Variants in COQ10B observed in about 807,000 individuals in gnomAD.
The protein encoded by COQ10B is coenzyme Q10B.
COQ10B carries 12 observed loss-of-function variants against 27.6 expected under a neutral mutation model. That is an observed-to-expected ratio of 0.43 (90% confidence interval 0.28 to 0.70). The LOEUF (loss-of-function observed/expected upper bound fraction) is 0.70, where lower values mean the gene tolerates loss of function less well. COQ10B is among the 30% of genes least tolerant of loss of function. The pLI, the probability that COQ10B is intolerant of heterozygous loss-of-function variation, is 0.17. For synonymous variants in COQ10B, 115 were observed against 103.0 expected (o/e 1.12, Z -0.71); for missense variants, 278 against 288.7 (o/e 0.96, Z 0.27).
intron 1 of COQ10B, among the ~76,000 whole-genome samples, chr2:197,454,468 A>C (rs769581070): frequency 1.3e-5 from 2 of 152,128 alleles, no homozygotes; most frequent in East Asian, 1.9e-4. Context: ...ATCCGACCCT[A>C]CTGGAAACAA....
rs990848208 is a variant in COQ10B, at chr2:197,453,590, G to A, written c.30G>A (p.Leu10=). ...CAGCTCGGACTGGTCATACGGCCTT[G>A]AGAAGGGTAGTCTCGGGATGCCGTC... is the stretch of plus-strand genomic sequence containing the variant. MAARTGHTA[L]RRVVSGCRPK... is the part of the protein sequence containing the mutation. Residue 10 remains leucine (L), a synonymous_variant, in exon 1 of 5, where the codon TTG becomes TTA. Transcript: ENST00000263960. 3 of 1,613,994 alleles carry A rather than the reference G, an allele frequency of 1.9e-6. No individual in the cohort carries two copies. The highest frequency in any genetic ancestry group is 1.7e-5 in the Admixed American group (1 of 60,004).
rs1333623041 is a variant in COQ10B at position 197,473,797 on chromosome 2, C to T, written c.590C>T (p.Ala197Val). ...CGATCACTTCTACATTCCCAGCTTGCCACACTCTTTTTTGATGAAGTTGTG... is the reference window on the plus strand; with the variant it reads ...CGATCACTTCTACATTCCCAGCTTGTCACACTCTTTTTTGATGAAGTTGTG... ...EFRSLLHSQL[A>V]TLFFDEVVKQ... Residue 197 changes from alanine (A) to valine (V), a missense_variant, in exon 5 of 5, where the codon GCC becomes GTC. By Grantham distance (64) the Ala-to-Val change is moderately conservative. This residue lies in a region of COQ10B where 83 missense variants were observed against 104.5 expected (regional missense o/e 0.79). Coordinates refer to ENST00000263960, the MANE Select transcript of COQ10B (RefSeq NM_025147.5). 3 of 1,592,626 alleles carry T rather than the reference C, an allele frequency of 1.9e-6. No homozygotes were observed. Among genetic ancestry groups the T allele is most frequent in the Non-Finnish European group, 2.6e-6 (3 of 1,167,434 alleles).
intron 1 of COQ10B, among the ~76,000 whole-genome samples, chr2:197,457,130 G>T (rs2085708602): frequency 6.6e-6 from 1 of 152,172 alleles, no homozygotes. Flanking sequence ...GCTCCTATGA[G>T]AATCTGATGC....
At chr2:197,456,298 C>G (rs1422469945) in intron 1 of COQ10B, among the ~76,000 whole-genome samples, 1 of 149,036 alleles carries the variant, frequency 6.7e-6, no homozygotes, top group Non-Finnish European at 1.5e-5. Context: ...ACCCCCATCT[C>G]TACTAAAAAT....
chr2:197,456,793 A>T (rs2914856), intron 1 of COQ10B, among the ~76,000 whole-genome samples: 255 of 151,612 alleles, frequency 1.7e-3, no homozygotes, highest in African/African-American at 5.4e-3. Flanking sequence ...AAAATAAATT[A>T]AAAAAAAATT....
intron 1 of COQ10B, among the ~76,000 whole-genome samples, chr2:197,457,570 T>C (rs1322360853): frequency 6.6e-6 from 1 of 152,228 alleles, no homozygotes; most frequent in African/African-American, 2.4e-5. Flanking sequence ...TCTTAAAATC[T>C]TAAAAGGTCC....
In COQ10B at chr2:197,468,093, G is replaced by A. The variant is rs1006112144; in HGVS notation, c.448-1977G>A. ...AAAACATAACAGTAAAAATCCGTGCGTCCTTGGGCTAGATAATTGGAGTGA... is the reference window on the plus strand; with the variant it reads ...AAAACATAACAGTAAAAATCCGTGCATCCTTGGGCTAGATAATTGGAGTGA... On this transcript the variant is annotated intron_variant, in intron 3 of 4. Coordinates refer to ENST00000263960, the MANE Select transcript of COQ10B (RefSeq NM_025147.5). Among the ~76,000 whole-genome samples the A allele has an allele frequency of 5.9e-5, 9 of 152,066 alleles. No homozygotes were observed. In the East Asian group the frequency reaches 1.3e-3, roughly 23 times the overall value.
At chr2:197,456,237 G>A (rs1160183521) in intron 1 of COQ10B, among the ~76,000 whole-genome samples, 2 of 152,116 alleles carry the variant, frequency 1.3e-5, no homozygotes, top group African/African-American at 4.8e-5. Context: ...AGGCCAAGGT[G>A]GGCGGATCAC....
At chr2:197,461,559 CTGTGTGTGTGTG>C (rs60261177) in intron 2 of COQ10B, among the ~76,000 whole-genome samples, 47 of 139,760 alleles carry the variant, frequency 3.4e-4, no homozygotes, top group African/African-American at 9.3e-4. Context: ...CTGATTTAGT[CTGTGTGTGTGTG>C]TGTGTGTGTG....
chr2:197,453,748 G>A (rs2085664285), intron 1 of COQ10B, 84 bp downstream of exon 1: 1 of 1,245,292 alleles, frequency 8.0e-7, no homozygotes, highest in Non-Finnish European at 1.2e-6. Flanking sequence ...TTGGGGGTGA[G>A]GCAGAGCCGG....
intron 3 of COQ10B, among the ~76,000 whole-genome samples, chr2:197,468,323 G>A (rs1445384146): frequency 1.3e-5 from 2 of 151,656 alleles, no homozygotes; most frequent in Non-Finnish European, 2.9e-5. Context: ...GGCATCTGTA[G>A]TCCCAGCTAT....
intron 3 of COQ10B, among the ~76,000 whole-genome samples, chr2:197,466,191 C>T (rs138497825): frequency 6.6e-6 from 1 of 152,218 alleles, no homozygotes; most frequent in Non-Finnish European, 1.5e-5. Flanking sequence ...CCTCCTCCCA[C>T]GTAATACTAT....
intron 1 of COQ10B, among the ~76,000 whole-genome samples, chr2:197,456,621 A>C (rs564264167): frequency 4.0e-4 from 56 of 140,204 alleles, no homozygotes; most frequent in East Asian, 8.8e-4. Context: ...AAAAATTAGC[A>C]GGGCGTGGTG....
intron 2 of COQ10B, among the ~76,000 whole-genome samples, chr2:197,462,262 C>G (rs2085768708): frequency 6.7e-6 from 1 of 148,932 alleles, no homozygotes; most frequent in Non-Finnish European, 1.5e-5. Context: ...GAATGAGACT[C>G]CATCTCAAAA....
intron 4 of COQ10B, among the ~76,000 whole-genome samples, chr2:197,470,439 C>T (rs893754317): frequency 6.6e-6 from 1 of 152,134 alleles, no homozygotes; most frequent in Non-Finnish European, 1.5e-5. Context: ...TAAATTAACA[C>T]CAAATGAAAG....
chr2:197,459,191 A>T (rs2085731232), intron 1 of COQ10B, among the ~76,000 whole-genome samples: 1 of 152,136 alleles, frequency 6.6e-6, no homozygotes, highest in African/African-American at 2.4e-5. Context: ...GTTGAGATAG[A>T]GTCTCGCCCT....
chr2:197,453,862 C>T (rs1301491070), intron 1 of COQ10B, 198 bp downstream of exon 1: 5 of 1,269,438 alleles, frequency 3.9e-6, no homozygotes, highest in Admixed American at 2.2e-5. Flanking sequence ...AGGCTGTGTT[C>T]GTGGCTCGTT....
Position 197,473,393 on chromosome 2 carries a change from C to A in COQ10B, c.550-364C>A, listed in dbSNP as rs57703054. Among the ~76,000 whole-genome samples the A allele has an allele frequency of 7.6e-3, 915 of 120,830 alleles. 12 individuals carry two copies. The highest frequency in any genetic ancestry group is 0.012 in the Non-Finnish European group (748 of 60,542). 79.3% of individuals were successfully genotyped at this position (120,830 alleles called of 152,430 possible). A position where few individuals can be genotyped will look rare whatever the true frequency, so the allele number is the denominator to read the frequency against. On this transcript the variant is annotated intron_variant, in intron 4 of 4. Coordinates refer to ENST00000263960, the MANE Select transcript of COQ10B (RefSeq NM_025147.5). ...ACATGGCAAAACCCCTTCTCTACGC[C>A]CCCCCCCACAAAAAAAAAAAAAATA...
At chr2:197,470,537 A>C (rs1403621943) in intron 4 of COQ10B, among the ~76,000 whole-genome samples, 1 of 152,196 alleles carries the variant, frequency 6.6e-6, no homozygotes. Flanking sequence ...AGTCAGGTGG[A>C]TCACTTGAGG....
Sources: gnomAD v4.1 joint callset for allele counts (sites outside exome capture counted in the v4.1 genomes callset) on GRCh38, gnomAD v4.1.1 for gene constraint, gnomAD v4.1.1 regional missense constraint, MANE v1.5 for transcripts, NCBI Gene and HGNC (gene_info 2026-07-23, HGNC 2026-07-21) for gene names.